CCDC7: variants seen among roughly 807,000 people sequenced by gnomAD.
CCDC7 encodes coiled-coil domain-containing protein 7.
CCDC7 carries 183 observed loss-of-function variants against 196.9 expected under a neutral mutation model. The observed-to-expected ratio is 0.93, with a 90% CI of 0.82 to 1.05. The LOEUF (loss-of-function observed/expected upper bound fraction) is 1.05, where lower values mean the gene tolerates loss of function less well. Ranked by LOEUF, CCDC7 falls within the 50% of genes least tolerant of loss-of-function variation. The probability of loss-of-function intolerance (pLI) is 0.00; values close to 1 mark genes in which losing one functional copy is unlikely to be tolerated. For missense variants in CCDC7, 1,540 were observed against 1,482.2 expected (o/e 1.04, Z -0.64); for synonymous variants, 525 against 484.6 (o/e 1.08, Z -1.10).
At chr10:32,591,504 TTTTG>T (rs150514460) in intron 18 of CCDC7, among the ~76,000 whole-genome samples, 17,327 of 151,970 alleles carry the variant, frequency 0.11, 1,170 homozygotes, top group South Asian at 0.27. Context: ...TTGCTTGTTT[TTTTG>T]TTTGTTTGTT....
intron 29 of CCDC7, among the ~76,000 whole-genome samples, chr10:32,792,159 A>C (rs1420252565): frequency 2.6e-5 from 4 of 152,214 alleles, no homozygotes; most frequent in Non-Finnish European, 5.9e-5. Flanking sequence ...ACGTGAGGGA[A>C]TTTATTACCA....
At chr10:32,840,046 A>G (rs1397700462) in intron 33 of CCDC7, among the ~76,000 whole-genome samples, 1 of 152,086 alleles carries the variant, frequency 6.6e-6, no homozygotes. Context: ...GCCTAAATCA[A>G]AAAGTCTGAA....
intron 40 of CCDC7, among the ~76,000 whole-genome samples, chr10:32,852,973 G>A (rs2093618899): frequency 6.6e-6 from 1 of 152,106 alleles, no homozygotes; most frequent in Non-Finnish European, 1.5e-5. Flanking sequence ...TGACAAGATA[G>A]GCTAGGACTC....
At chr10:32,519,225 A>G (rs1020455448) in intron 11 of CCDC7, among the ~76,000 whole-genome samples, 1 of 152,180 alleles carries the variant, frequency 6.6e-6, no homozygotes, top group East Asian at 1.9e-4. Context: ...GTATCATGCC[A>G]AATAGGAATA....
chr10:32,663,850 A>G (rs1248574759), intron 20 of CCDC7, among the ~76,000 whole-genome samples: 1 of 152,024 alleles, frequency 6.6e-6, no homozygotes, highest in Admixed American at 6.6e-5. Context: ...GCCAAGAAAT[A>G]TCAAAATAAT....
At chr10:32,709,125 G>A (rs2080345592) in intron 24 of CCDC7, among the ~76,000 whole-genome samples, 2 of 152,112 alleles carry the variant, frequency 1.3e-5, no homozygotes, top group Admixed American at 1.3e-4. Context: ...TATACACCAT[G>A]GAGTACTATG....
intron 30 of CCDC7, among the ~76,000 whole-genome samples, chr10:32,807,960 C>A (rs1211102112): frequency 6.6e-6 from 1 of 152,072 alleles, no homozygotes; most frequent in African/African-American, 2.4e-5. Context: ...GGCCCAACAT[C>A]CCTACATCGT....
At chr10:32,821,636 A>G (rs540918773) in intron 31 of CCDC7, among the ~76,000 whole-genome samples, 46 of 152,352 alleles carry the variant, frequency 3.0e-4, no homozygotes, top group African/African-American at 1.1e-3. Context: ...CAACCATAAA[A>G]AAGGATGAGC....
intron 21 of CCDC7, among the ~76,000 whole-genome samples, chr10:32,678,022 A>T (rs983535309): frequency 6.6e-6 from 1 of 151,930 alleles, no homozygotes; most frequent in African/African-American, 2.4e-5. Flanking sequence ...TTTTCAGTTT[A>T]TCCATTGTGT....
chr10:32,707,202 A>T (rs1329322870), intron 24 of CCDC7, among the ~76,000 whole-genome samples: 1 of 151,942 alleles, frequency 6.6e-6, no homozygotes, highest in African/African-American at 2.4e-5. Context: ...TCATATAAAC[A>T]GAACCAAAGT....
At chr10:32,562,420 G>A (rs1212465435) in intron 13 of CCDC7, among the ~76,000 whole-genome samples, 9 of 152,056 alleles carry the variant, frequency 5.9e-5, no homozygotes, top group Admixed American at 5.2e-4. Flanking sequence ...CTGGCAAACC[G>A]AATCCAGCAG....
intron 18 of CCDC7, among the ~76,000 whole-genome samples, chr10:32,628,699 G>A (rs1334661227): frequency 6.6e-5 from 10 of 151,832 alleles, no homozygotes; most frequent in Non-Finnish European, 2.9e-5. Context: ...GTGGTATGTT[G>A]TATTTTCAGT....
intron 25 of CCDC7, among the ~76,000 whole-genome samples, chr10:32,720,035 T>G (rs796854734): frequency 1.3e-5 from 2 of 152,038 alleles, no homozygotes; most frequent in Non-Finnish European, 2.9e-5. Flanking sequence ...ACCCAAACGA[T>G]TATAAATTAT....
chr10:32,696,187 A>G (rs1289084365), intron 24 of CCDC7, among the ~76,000 whole-genome samples: 2 of 152,140 alleles, frequency 1.3e-5, no homozygotes, highest in African/African-American at 2.4e-5. Flanking sequence ...ACAATAACCC[A>G]TTCAGTAATG....
chr10:32,685,157 T>C (rs575134827), intron 21 of CCDC7, among the ~76,000 whole-genome samples: 1 of 152,060 alleles, frequency 6.6e-6, no homozygotes, highest in African/African-American at 2.4e-5. Context: ...TCTTTCTTTT[T>C]TTTAATCCTT....
chr10:32,580,852 A>G (rs1040606082), intron 16 of CCDC7, among the ~76,000 whole-genome samples: 4 of 152,010 alleles, frequency 2.6e-5, no homozygotes, highest in South Asian at 2.1e-4. Flanking sequence ...AAAGTATTGG[A>G]AAGAAAAAAA....
intron 9 of CCDC7, among the ~76,000 whole-genome samples, chr10:32,508,662 G>A (rs569520851): frequency 5.9e-5 from 9 of 151,416 alleles, no homozygotes; most frequent in African/African-American, 1.9e-4. Flanking sequence ...TCACTCTGTC[G>A]CCCAGGCTGG....
At chr10:32,506,867 G>A (rs974768586) in intron 9 of CCDC7, among the ~76,000 whole-genome samples, 2 of 152,028 alleles carry the variant, frequency 1.3e-5, no homozygotes, top group Non-Finnish European at 2.9e-5. Context: ...GGGAGAGGGA[G>A]AGGGAGAGGC....
intron 32 of CCDC7, among the ~76,000 whole-genome samples, chr10:32,833,357 A>ATTT (rs771667175): frequency 0.056 from 5,633 of 100,140 alleles, 273 homozygotes; most frequent in African/African-American, 0.19. Flanking sequence ...TTTTTTTAAA[A>ATTT]AAAAAAAAAA....
Sources: gnomAD v4.1 joint callset for allele counts (sites outside exome capture counted in the v4.1 genomes callset) on GRCh38, gnomAD v4.1.1 for gene constraint, MANE v1.5 for transcripts, NCBI Gene and HGNC (gene_info 2026-07-23, HGNC 2026-07-21) for gene names.